The following CASD1 variants were observed in gnomAD, a reference collection of about 807,000 sequenced individuals.
CASD1 encodes CAS1 domain sialic acid O acetyltransferase 1, also known as N-acetylneuraminate (7)9-O-acetyltransferase.
Under a neutral mutation model 100.0 loss-of-function variants are expected in CASD1, and 41 were observed. The ratio of observed to expected loss-of-function variants is 0.41; its 90% CI spans 0.32 to 0.53. The LOEUF is 0.53. CASD1 is among the 20% of genes least tolerant of loss of function. The pLI is 0.25. For synonymous variants in CASD1, 321 were observed against 315.6 expected (o/e 1.02, Z -0.18); for missense variants, 774 against 948.7 (o/e 0.82, Z 2.42).
At chr7:94,549,442 C>T in intron 13 of CASD1, 91 bp from the exon 14 acceptor site, 2 of 837,200 alleles carry the variant, frequency 2.4e-6, no homozygotes, top group Admixed American at 2.8e-5. Context: ...TTATATAATC[C>T]AAACTTCAGA....
At chr7:94,587,483 T>A in the CASD1 span, 9 of 1,264,218 alleles carry the variant, frequency 7.1e-6, no homozygotes, top group Non-Finnish European at 8.9e-6. Flanking sequence ...GTTCTATCAT[T>A]TCTATCGTAG....
intron 5 of CASD1, among the ~76,000 whole-genome samples, chr7:94,530,643 T>C (rs1794808202): frequency 6.6e-6 from 1 of 152,128 alleles, no homozygotes; most frequent in South Asian, 2.1e-4. Context: ...ACTGGCAGTT[T>C]AGATGTAATT....
At chr7:94,593,873 A>C in the CASD1 span, among the ~76,000 whole-genome samples, 1 of 152,088 alleles carries the variant, frequency 6.6e-6, no homozygotes, top group Non-Finnish European at 1.5e-5. Flanking sequence ...TCCAATCCTG[A>C]AACTTAAGTC....
At chr7:94,595,019 C>T in the CASD1 span, among the ~76,000 whole-genome samples, 1 of 152,116 alleles carries the variant, frequency 6.6e-6, no homozygotes, top group Non-Finnish European at 1.5e-5. Context: ...AGGTCAATGA[C>T]CGACACTATC....
chr7:94,601,151 T>G, the CASD1 span, among the ~76,000 whole-genome samples: 1 of 152,092 alleles, frequency 6.6e-6, no homozygotes, highest in Non-Finnish European at 1.5e-5. Context: ...GTTGTTCTTT[T>G]TCAGTTTCCT....
chr7:94,603,270 A>G, the CASD1 span: 12 of 1,603,064 alleles, frequency 7.5e-6, no homozygotes, highest in Non-Finnish European at 1.0e-5. Context: ...TAAACTTGCA[A>G]AAACAAAATA....
At chr7:94,524,938 G>A (rs1023570688) in intron 3 of CASD1, among the ~76,000 whole-genome samples, 24 of 151,964 alleles carry the variant, frequency 1.6e-4, no homozygotes, top group Non-Finnish European at 2.9e-4. Context: ...TTGAGAAATT[G>A]GAAAAAATTG....
intron 10 of CASD1, 36 bp from the exon 11 acceptor site, chr7:94,544,374 GC>G (rs745570801): frequency 3.6e-5 from 58 of 1,609,020 alleles, no homozygotes; most frequent in Non-Finnish European, 4.9e-5. Flanking sequence ...TGTAGTTGAT[GC>G]CAACATATGT....
the CASD1 span, among the ~76,000 whole-genome samples, chr7:94,605,137 G>A: frequency 9.2e-5 from 14 of 151,920 alleles, no homozygotes; most frequent in Non-Finnish European, 1.6e-4. Flanking sequence ...AAAAAGCACA[G>A]TTTGAAAAGA....
chr7:94,568,572 T>C, the CASD1 span, among the ~76,000 whole-genome samples: 1 of 152,120 alleles, frequency 6.6e-6, no homozygotes, highest in Non-Finnish European at 1.5e-5. Flanking sequence ...AAAAGGCTAA[T>C]CTCCCCAAAA....
chr7:94,633,522 T>C, the CASD1 span, among the ~76,000 whole-genome samples: 5 of 152,108 alleles, frequency 3.3e-5, no homozygotes, highest in African/African-American at 4.8e-5. Context: ...GTTATCTGTA[T>C]GTTTCATTCA....
At chr7:94,581,516 C>T in the CASD1 span, among the ~76,000 whole-genome samples, 732 of 152,230 alleles carry the variant, frequency 4.8e-3, 7 homozygotes, top group African/African-American at 0.016. Flanking sequence ...CTTCCTGATC[C>T]GCTCTGTCCT....
At chr7:94,533,283 TTG>T in intron 6 of CASD1, 34 bp downstream of exon 6, 1 of 1,562,140 alleles carries the variant, frequency 6.4e-7, no homozygotes, top group Non-Finnish European at 8.8e-7. Flanking sequence ...CTTAATGATT[TTG>T]TTTCACGTTT....
At chr7:94,571,297 C>T in the CASD1 span, among the ~76,000 whole-genome samples, 2 of 152,122 alleles carry the variant, frequency 1.3e-5, no homozygotes, top group Non-Finnish European at 2.9e-5. Flanking sequence ...CCTGCTTCAG[C>T]CTCCCAAAGT....
the CASD1 span, among the ~76,000 whole-genome samples, chr7:94,603,014 A>G: frequency 6.6e-6 from 1 of 152,190 alleles, no homozygotes; most frequent in East Asian, 1.9e-4. Flanking sequence ...GCTCATTAGC[A>G]GCTATATGGA....
chr7:94,619,516 A>G, the CASD1 span: 2 of 152,222 alleles, frequency 1.3e-5, no homozygotes, highest in Admixed American at 6.5e-5. Flanking sequence ...TCTTAAAACA[A>G]CCCCATGTCA....
At chr7:94,546,238 T>C (rs1340283024) in intron 12 of CASD1, among the ~76,000 whole-genome samples, 1 of 151,978 alleles carries the variant, frequency 6.6e-6, no homozygotes, top group African/African-American at 2.4e-5. Flanking sequence ...GTTTTACATA[T>C]AAGGAACCTA....
chr7:94,624,332 A>G, the CASD1 span: 2 of 397,512 alleles, frequency 5.0e-6, no homozygotes, highest in Admixed American at 8.8e-5. Flanking sequence ...AAAGATTTTT[A>G]TACATTACAT....
At chr7:94,553,129 C>A (rs575037136) in intron 16 of CASD1, 25 of 476,990 alleles carry the variant, frequency 5.2e-5, no homozygotes, top group Non-Finnish European at 9.0e-5. Flanking sequence ...GTTTAGGTCT[C>A]ACATTCATGA....
Sources: allele counts gnomAD v4.1 joint callset (sites outside exome capture counted in the v4.1 genomes callset), GRCh38; gene constraint gnomAD v4.1.1; transcripts MANE v1.5; gene names NCBI Gene and HGNC (gene_info 2026-07-23, HGNC 2026-07-21).